The following PEAK1 variants were observed in gnomAD, a reference collection of about 807,000 sequenced individuals.
PEAK1 encodes the protein pseudopodium enriched atypical kinase 1, also known as inactive tyrosine-protein kinase PEAK1.
Under a neutral mutation model 124.7 loss-of-function variants are expected in PEAK1, and 54 were observed. That is an observed-to-expected ratio of 0.43 (90% confidence interval 0.35 to 0.54). The LOEUF (loss-of-function observed/expected upper bound fraction) is 0.54. PEAK1 is among the 20% of genes least tolerant of loss of function. The probability of loss-of-function intolerance (pLI) is 0.01; values close to 1 mark genes in which losing one functional copy is unlikely to be tolerated. For synonymous variants in PEAK1, 719 were observed against 760.0 expected (o/e 0.95, Z 0.89); for missense variants, 2,046 against 2,134.5 (o/e 0.96, Z 0.82).
Position 77,365,167 on chromosome 15 carries a change from G to A in PEAK1, c.-607C>T, listed in dbSNP as rs918594718. The stretch of plus-strand genomic sequence containing the variant: ...TGAATTCATAAATTATCTCACCTTT[G>A]GTTTTTAGATAAACCACAAAGAAAT... On this transcript the variant is annotated 5_prime_UTR_variant, in exon 2 of 10. Transcript: ENST00000682557. 4 of 962,310 alleles carry A rather than the reference G, an allele frequency of 4.2e-6. No individual in the cohort carries two copies. The highest frequency in any genetic ancestry group is 1.2e-4 in the Admixed American group (2 of 16,214). 59.6% of individuals were successfully genotyped at this position (962,310 alleles called of 1,614,324 possible).
chr15:77,171,823 T>G (rs2056532101), intron 7 of PEAK1, among the ~76,000 whole-genome samples: 1 of 152,138 alleles, frequency 6.6e-6, no homozygotes, highest in Non-Finnish European at 1.5e-5. Flanking sequence ...ATTTAAGTAT[T>G]AAATAAAAAT....
rs865783873 is a variant in PEAK1, at chr15:77,108,618, T to C, written c.*5538A>G. ...TAACCTTTCAAAAATGAACCCTATG[T>C]CTGGTTCAACATTCAAGTTATCATG... On this transcript the variant is annotated 3_prime_UTR_variant, in exon 10 of 10. Coordinates refer to ENST00000682557, the MANE Select transcript of PEAK1 (RefSeq NM_001385026.1). 2 of 152,188 alleles carry C rather than the reference T, an allele frequency of 1.3e-5. No individual in the cohort carries two copies. Among genetic ancestry groups the C allele is most frequent in the African/African-American group, 4.8e-5 (2 of 41,438 alleles). The allele number at this position is 152,188 out of a possible 1,614,324, so 9.4% of individuals were successfully genotyped here. A position where few individuals can be genotyped will look rare whatever the true frequency, so the allele number is the denominator to read the frequency against.
chr15:77,344,075 G>A (rs1397405972), intron 2 of PEAK1, among the ~76,000 whole-genome samples: 1 of 152,096 alleles, frequency 6.6e-6, no homozygotes, highest in Admixed American at 6.6e-5. Flanking sequence ...ATATAAGCAA[G>A]GATTTAGTTC....
At position 77,133,526 on chromosome 15, in the gene PEAK1, G is replaced by C; in HGVS notation, c.3556C>G (p.Pro1186Ala). The C allele has an allele frequency of 6.2e-7, 1 of 1,614,218 alleles. No homozygotes were observed. Among genetic ancestry groups the C allele is most frequent in the Non-Finnish European group, 8.5e-7 (1 of 1,180,040 alleles). The change falls in exon 9 of 10, where the codon CCC becomes GCC. Residue 1186 changes from proline (P) to alanine (A), a missense_variant. Coordinates refer to ENST00000682557, the MANE Select transcript of PEAK1 (RefSeq NM_001385026.1). The surrounding 1 kb of genome is among the most constrained non-coding windows in gnomAD (Gnocchi z 4.2). ...MESSLCVMANPTYDIDPNWDA... is the reference protein window; with the variant it reads ...MESSLCVMANATYDIDPNWDA... Reference sequence around the variant, plus strand: ...CAGTTGGGGTCGATATCATAGGTGGGATTAGCCATGACACAAAGACTACTT... The same window carrying C: ...CAGTTGGGGTCGATATCATAGGTGGCATTAGCCATGACACAAAGACTACTT...
At chr15:77,418,330 A>G (rs1376643483) in intron 1 of PEAK1, 1 of 985,318 alleles carries the variant, frequency 1.0e-6, no homozygotes, top group African/African-American at 1.7e-5. Flanking sequence ...AAAGCCTTAA[A>G]GAAAATAATT....
chr15:77,296,592 C>T (rs868621033), intron 2 of PEAK1, among the ~76,000 whole-genome samples: 1 of 149,942 alleles, frequency 6.7e-6, no homozygotes, highest in African/African-American at 2.5e-5. Context: ...CCAGCCTGGG[C>T]GACAGAGTGA....
chr15:77,230,739 G>T (rs537843679), intron 6 of PEAK1, among the ~76,000 whole-genome samples: 4 of 151,954 alleles, frequency 2.6e-5, no homozygotes, highest in African/African-American at 9.7e-5. Context: ...TCACTGTGGC[G>T]GGAGGATCAC....
intron 1 of PEAK1, among the ~76,000 whole-genome samples, chr15:77,371,675 G>A (rs946593927): frequency 1.9e-4 from 29 of 152,186 alleles, no homozygotes; most frequent in Admixed American, 1.9e-3. Flanking sequence ...ATCACTCGAG[G>A]TCCAGAGTTC....
chr15:77,402,310 G>C, intron 1 of PEAK1: 1 of 985,116 alleles, frequency 1.0e-6, no homozygotes, highest in Non-Finnish European at 1.2e-6. Context: ...TCTAGACATC[G>C]GGGAGAAAAG....
intron 1 of PEAK1, among the ~76,000 whole-genome samples, chr15:77,378,291 C>A (rs550197379): frequency 4.6e-5 from 7 of 151,362 alleles, no homozygotes; most frequent in Non-Finnish European, 8.8e-5. Context: ...GACAATTTTA[C>A]GAAGCATCTC....
intron 6 of PEAK1, among the ~76,000 whole-genome samples, chr15:77,196,327 G>A: frequency 6.6e-6 from 1 of 152,188 alleles, no homozygotes; most frequent in Non-Finnish European, 1.5e-5. Context: ...ATAACCTACT[G>A]GTAGGTCTCG....
chr15:77,134,777 A>AATTATATCC (rs531166210), intron 8 of PEAK1, among the ~76,000 whole-genome samples: 30 of 152,154 alleles, frequency 2.0e-4, no homozygotes, highest in Non-Finnish European at 3.8e-4. Context: ...TTATGGGTTG[A>AATTATATCC]ATTATATCCC....
chr15:77,131,310 C>T (rs891661834), intron 9 of PEAK1, among the ~76,000 whole-genome samples: 4 of 152,074 alleles, frequency 2.6e-5, no homozygotes, highest in Non-Finnish European at 5.9e-5. Context: ...CTGGCCAACA[C>T]GGTGAAACCC....
chr15:77,169,655 A>T (rs912662487), intron 7 of PEAK1, among the ~76,000 whole-genome samples: 1 of 152,218 alleles, frequency 6.6e-6, no homozygotes, highest in Non-Finnish European at 1.5e-5. Flanking sequence ...CAGAGAGCTC[A>T]ATCAGGAAAT....
rs536865074 is a variant in PEAK1 at position 77,241,199 on chromosome 15, A to T, written c.-115+11168T>A. Reference sequence around the variant, plus strand: ...CAAAATTTTTTTTAAAAATCCATAAATGTAAACTACTATATTAACAGCTCA... The same window carrying T: ...CAAAATTTTTTTTAAAAATCCATAATTGTAAACTACTATATTAACAGCTCA... On this transcript the variant is annotated intron_variant, in intron 6 of 9. Coordinates refer to ENST00000682557, the MANE Select transcript of PEAK1 (RefSeq NM_001385026.1). Among the ~76,000 whole-genome samples, 18 of 152,312 alleles carry T rather than the reference A, an allele frequency of 1.2e-4. No homozygotes were observed. The South Asian group carries it at 3.5e-3, about 30-fold the overall frequency.
intron 2 of PEAK1, among the ~76,000 whole-genome samples, chr15:77,331,333 T>C (rs1311987882): frequency 6.6e-6 from 1 of 152,086 alleles, no homozygotes; most frequent in Non-Finnish European, 1.5e-5. Context: ...TTTTGCCATG[T>C]TGGCCAGGCT....
chr15:77,188,703 T>G (rs1567092074), intron 6 of PEAK1, among the ~76,000 whole-genome samples: 1 of 152,136 alleles, frequency 6.6e-6, no homozygotes, highest in Non-Finnish European at 1.5e-5. Context: ...AAATTTTACC[T>G]CTGTGATGAA....
intron 5 of PEAK1, among the ~76,000 whole-genome samples, chr15:77,281,684 A>T (rs1473243665): frequency 1.3e-5 from 2 of 152,194 alleles, no homozygotes; most frequent in Non-Finnish European, 2.9e-5. Context: ...GTACAGGAGA[A>T]TAATTTTTGA....
At chr15:77,381,932 A>G (rs901427755) in intron 1 of PEAK1, among the ~76,000 whole-genome samples, 1 of 152,252 alleles carries the variant, frequency 6.6e-6, no homozygotes, top group Non-Finnish European at 1.5e-5. Context: ...GAATAAAACC[A>G]GAGTTAAGTT....
Sources: gnomAD v4.1 joint callset for allele counts (sites outside exome capture counted in the v4.1 genomes callset) on GRCh38, gnomAD v4.1.1 for gene constraint, Gnocchi (gnomAD v3.1) non-coding constraint, MANE v1.5 for transcripts, NCBI Gene and HGNC (gene_info 2026-07-23, HGNC 2026-07-21) for gene names.